SRGAP1: variants seen among roughly 807,000 people sequenced by gnomAD.
SRGAP1 encodes the protein SLIT-ROBO Rho GTPase-activating protein 1.
A neutral mutation model predicts 121.9 loss-of-function variants in SRGAP1; 43 were observed. That is an observed-to-expected ratio of 0.35 (90% CI 0.28 to 0.46). The LOEUF (loss-of-function observed/expected upper bound fraction) is 0.46. SRGAP1 is among the 20% of genes least tolerant of loss of function. SRGAP1 has a pLI of 1.00. For synonymous variants in SRGAP1, 447 were observed against 485.4 expected (o/e 0.92, Z 1.04); for missense variants, 1,102 against 1,350.9 (o/e 0.82, Z 2.89).
At chr12:63,985,461 G>C (rs1216283645) in intron 2 of SRGAP1, among the ~76,000 whole-genome samples, 1 of 152,184 alleles carries the variant, frequency 6.6e-6, no homozygotes, top group Non-Finnish European at 1.5e-5. Flanking sequence ...AACACTGCAG[G>C]TAGAGAGAAG....
At chr12:64,029,372 A>T (rs2034724079) in intron 4 of SRGAP1, among the ~76,000 whole-genome samples, 1 of 152,134 alleles carries the variant, frequency 6.6e-6, no homozygotes, top group Non-Finnish European at 1.5e-5. Context: ...ATGGCTGGGG[A>T]TGGGTTCTTT....
chr12:64,031,342 G>T (rs1565648286), intron 4 of SRGAP1, among the ~76,000 whole-genome samples: 1 of 148,404 alleles, frequency 6.7e-6, no homozygotes, highest in Non-Finnish European at 1.5e-5. Flanking sequence ...AAAAATAGCT[G>T]CCATCTACCC....
intron 8 of SRGAP1, among the ~76,000 whole-genome samples, chr12:64,068,617 G>A (rs975659624): frequency 2.6e-5 from 4 of 151,970 alleles, no homozygotes; most frequent in African/African-American, 9.7e-5. Flanking sequence ...TTACAGGCGT[G>A]AGCCACCACT....
intron 4 of SRGAP1, among the ~76,000 whole-genome samples, chr12:64,033,017 A>C (rs2034816361): frequency 6.6e-6 from 1 of 152,140 alleles, no homozygotes; most frequent in Admixed American, 6.5e-5. Flanking sequence ...TTAAATCCCC[A>C]AAAAAGAAAA....
chr12:63,998,705 A>C (rs2136431035), intron 3 of SRGAP1, among the ~76,000 whole-genome samples: 1 of 152,268 alleles, frequency 6.6e-6, no homozygotes, highest in Non-Finnish European at 1.5e-5. Context: ...TGTCACTCAA[A>C]ATCAAGCTCA....
chr12:63,937,467 T>G (rs1222156366), intron 1 of SRGAP1, among the ~76,000 whole-genome samples: 2 of 152,228 alleles, frequency 1.3e-5, no homozygotes, highest in Non-Finnish European at 2.9e-5. Context: ...TTATCCATAC[T>G]GCAAATGAAA....
At chr12:63,879,671 G>A (rs941899010) in intron 1 of SRGAP1, among the ~76,000 whole-genome samples, 2 of 152,104 alleles carry the variant, frequency 1.3e-5, no homozygotes, top group African/African-American at 2.4e-5. Flanking sequence ...GCAAGTTCAT[G>A]GCGATTTATT....
At chr12:63,903,318 T>G (rs943363200) in intron 1 of SRGAP1, among the ~76,000 whole-genome samples, 2 of 152,060 alleles carry the variant, frequency 1.3e-5, no homozygotes, top group African/African-American at 4.8e-5. Context: ...GTTCAGGTGA[T>G]CCTTCTGCCT....
rs1430101261 is a variant in SRGAP1 at position 64,151,969 on chromosome 12, CACA to C, written c.*9300_*9302del. The C allele has an allele frequency of 6.6e-6, 1 of 152,262 alleles. No homozygotes were observed. The highest frequency in any genetic ancestry group is 2.4e-5 in the African/African-American group (1 of 41,430). 9.4% of individuals were successfully genotyped at this position (152,262 alleles called of 1,614,324 possible). ...TAATTCTGTGCACCATTCCCCTTGC[CACA>C]ACGATTGCCGTAGCTTCCACGGTGG... is the stretch of plus-strand genomic sequence containing the variant. On this transcript the variant is annotated 3_prime_UTR_variant, in exon 22 of 22. Coordinates refer to ENST00000355086, the MANE Select transcript of SRGAP1 (RefSeq NM_020762.4).
Position 63,999,538 on chromosome 12 carries a change from G to T in SRGAP1, c.426+9466G>T, listed in dbSNP as rs80209295. ...TTGGAGATAGAATATGTAGGCCTGG[G>T]TAATTGATTGGCTGGGTGGGAGAGA... On this transcript the variant is annotated intron_variant, in intron 3 of 21. Coordinates refer to ENST00000355086, the MANE Select transcript of SRGAP1 (RefSeq NM_020762.4). 5.5e-3 allele frequency among the ~76,000 whole-genome samples: 834 copies of T among 152,260 alleles called. 6 individuals carry two copies. The highest frequency in any genetic ancestry group is 0.019 in the African/African-American group (787 of 41,536).
chr12:64,114,914 CA>C (rs575677065), intron 17 of SRGAP1, among the ~76,000 whole-genome samples: 27 of 152,174 alleles, frequency 1.8e-4, no homozygotes, highest in Admixed American at 9.2e-4. Context: ...TGTCCCCCAA[CA>C]TCAGAAATGT....
chr12:63,874,766 A>T (rs912399694), intron 1 of SRGAP1, among the ~76,000 whole-genome samples: 2 of 151,856 alleles, frequency 1.3e-5, no homozygotes, highest in Admixed American at 6.6e-5. Flanking sequence ...CTTATAGTGA[A>T]CTCTCAAATA....
At chr12:63,969,570 G>T (rs541870168) in intron 1 of SRGAP1, among the ~76,000 whole-genome samples, 1 of 152,192 alleles carries the variant, frequency 6.6e-6, no homozygotes, top group African/African-American at 2.4e-5. Flanking sequence ...AAGGCAGGCG[G>T]ATCACGAGGT....
In SRGAP1 at chr12:64,009,365, G is replaced by A. The variant is rs115251833; in HGVS notation, c.427-7585G>A. Among the ~76,000 whole-genome samples, 320 of 152,220 alleles carry A rather than the reference G, an allele frequency of 2.1e-3. 5 individuals carry two copies. The highest frequency in any genetic ancestry group is 7.6e-3 in the African/African-American group (315 of 41,506). On this transcript the variant is annotated intron_variant, in intron 3 of 21. Coordinates refer to ENST00000355086, the MANE Select transcript of SRGAP1 (RefSeq NM_020762.4). ...TTTGAGTAGAGAAACAACTTTTCAT[G>A]TGTTTCTTGAAGAGCTAGGGAAATG... is the stretch of plus-strand genomic sequence containing the variant.
chr12:63,933,981 C>T (rs2031572147), intron 1 of SRGAP1, among the ~76,000 whole-genome samples: 1 of 152,108 alleles, frequency 6.6e-6, no homozygotes, highest in Non-Finnish European at 1.5e-5. Context: ...TGGGAAGGCA[C>T]CCAAGGAAAA....
intron 1 of SRGAP1, among the ~76,000 whole-genome samples, chr12:63,907,470 G>A (rs1459865025): frequency 6.6e-6 from 1 of 151,980 alleles, no homozygotes; most frequent in African/African-American, 2.4e-5. Context: ...CCTGGGAGGT[G>A]GAGGTTGCAG....
intron 1 of SRGAP1, among the ~76,000 whole-genome samples, chr12:63,889,699 G>A (rs959465103): frequency 6.6e-6 from 1 of 152,130 alleles, no homozygotes. Flanking sequence ...CATGAGGGCA[G>A]GAGTTCAAGA....
intron 1 of SRGAP1, among the ~76,000 whole-genome samples, chr12:63,950,363 AG>A (rs1397676729): frequency 1.3e-5 from 2 of 152,218 alleles, no homozygotes; most frequent in Non-Finnish European, 2.9e-5. Context: ...TCCCTGCACC[AG>A]GAGTGTGGTT....
At chr12:64,105,336 C>T (rs1250072097) in intron 15 of SRGAP1, among the ~76,000 whole-genome samples, 1 of 152,130 alleles carries the variant, frequency 6.6e-6, no homozygotes, top group Non-Finnish European at 1.5e-5. Context: ...TTGTCTCTAC[C>T]TTTTGGTTAT....
Sources: gnomAD v4.1 joint callset for allele counts (sites outside exome capture counted in the v4.1 genomes callset) on GRCh38, gnomAD v4.1.1 for gene constraint, MANE v1.5 for transcripts, NCBI Gene and HGNC (gene_info 2026-07-23, HGNC 2026-07-21) for gene names.